Variants in PCDHGB5 observed in about 807,000 individuals in gnomAD.
PCDHGB5 encodes the protein protocadherin gamma-B5.
Under a neutral mutation model 62.9 loss-of-function variants are expected in PCDHGB5, and 48 were observed. The observed-to-expected ratio is 0.76, with a 90% CI of 0.61 to 0.97. The LOEUF is 0.97. PCDHGB5 is among the 50% of genes least tolerant of loss of function. The pLI is 0.00. For synonymous variants in PCDHGB5, 474 were observed against 511.2 expected (o/e 0.93, Z 0.98); for missense variants, 1,118 against 1,198.6 (o/e 0.93, Z 0.99).
rs1305419943 is a variant in PCDHGB5, at chr5:141,438,625, T to C, written c.2397+38101T>C. Among the ~76,000 whole-genome samples the C allele has an allele frequency of 9.7e-4, 45 of 46,410 alleles. 2 individuals are homozygous for C. Among genetic ancestry groups the C allele is most frequent in the Admixed American group, 2.2e-3 (7 of 3,192 alleles). The allele number at this position is 46,410 out of a possible 152,430, so 30.4% of individuals were successfully genotyped here. On this transcript the variant is annotated intron_variant, in intron 1 of 3. Coordinates refer to ENST00000617380, the MANE Select transcript of PCDHGB5 (RefSeq NM_018925.3). The stretch of plus-strand genomic sequence containing the variant: ...ATATATATATATATATATATATATA[T>C]ATATATATATACACACACACACACA...
At chr5:141,437,096 C>T (rs989863634) in intron 1 of PCDHGB5, among the ~76,000 whole-genome samples, 6 of 152,122 alleles carry the variant, frequency 3.9e-5, no homozygotes, top group Non-Finnish European at 8.8e-5. Context: ...AAACTAACGG[C>T]TTAGCTTTAG....
chr5:141,399,230 A>G lies in PCDHGB5; in HGVS notation c.1103A>G (p.His368Arg), dbSNP rs764321114. 1.2e-6 allele frequency: 2 copies of G among 1,614,002 alleles called. No individual in the cohort carries two copies. The highest frequency in any genetic ancestry group is 1.7e-6 in the Non-Finnish European group (2 of 1,179,882). Residue 368 changes from histidine to arginine, a missense_variant, in exon 1 of 4, where the codon CAT becomes CGT. Physicochemically the swap from His to Arg is conservative, Grantham distance 29. Transcript: ENST00000617380. ...PGTLIALIKI[H>R]DQDSGENGEV... The stretch of plus-strand genomic sequence containing the variant: ...ACACTAATTGCTTTGATCAAAATAC[A>G]TGACCAAGATTCTGGGGAAAATGGG...
Position 141,485,057 on chromosome 5 carries a change from C to T in PCDHGB5, c.2398-9750C>T. 1 of 843,720 alleles carries T rather than the reference C, an allele frequency of 1.2e-6. No individual in the cohort carries two copies. The highest frequency in any genetic ancestry group is 1.9e-6 in the Non-Finnish European group (1 of 524,586). 52.3% of individuals were successfully genotyped at this position (843,720 alleles called of 1,614,324 possible). On this transcript the variant is annotated intron_variant, in intron 1 of 3. Transcript: ENST00000617380. This position sits in a 1 kb window ranked among gnomAD's most constrained non-coding sequence, Gnocchi z 5.7. The stretch of plus-strand genomic sequence containing the variant: ...GTAACCCTTGCGGCGCCGGCCGAAC[C>T]GCGCCAGAGCTGGCGCGGGGAAAGG...
chr5:141,508,777 AG>A (rs1428861784), intron 3 of PCDHGB5, among the ~76,000 whole-genome samples: 3 of 150,778 alleles, frequency 2.0e-5, no homozygotes, highest in Non-Finnish European at 4.4e-5. Context: ...TCCCCCCTCT[AG>A]CCCCTAAATC....
intron 1 of PCDHGB5, chr5:141,427,830 C>T (rs749612858): frequency 7.8e-6 from 12 of 1,538,204 alleles, no homozygotes; most frequent in African/African-American, 1.4e-5. Flanking sequence ...GGTCGCGCAG[C>T]GTGCCTTCGA....
In PCDHGB5 at chr5:141,493,211, G is replaced by C. The variant is rs1312763933; in HGVS notation, c.2398-1596G>C. Reference sequence around the variant, plus strand: ...CTCCTTTGAGAACCTCATCTCATTTGCTCTTCCCACCATTGCTGTTGGCTA... The same window carrying C: ...CTCCTTTGAGAACCTCATCTCATTTCCTCTTCCCACCATTGCTGTTGGCTA... On this transcript the variant is annotated intron_variant, in intron 1 of 3. Transcript: ENST00000617380. The surrounding 1 kb of genome is among the most constrained non-coding windows in gnomAD (Gnocchi z 4.3). 6.6e-6 allele frequency among the ~76,000 whole-genome samples: 1 copy of C among 152,180 alleles called. No individual in the cohort carries two copies. The highest frequency in any genetic ancestry group is 2.4e-5 in the African/African-American group (1 of 41,436).
chr5:141,469,834 T>C (rs1228732202), intron 1 of PCDHGB5, among the ~76,000 whole-genome samples: 4 of 152,068 alleles, frequency 2.6e-5, no homozygotes, highest in African/African-American at 9.7e-5. Context: ...ACATAAAACT[T>C]ATTCTTAAGA....
intron 1 of PCDHGB5, among the ~76,000 whole-genome samples, chr5:141,458,876 G>T (rs187470646): frequency 5.0e-4 from 76 of 152,248 alleles, no homozygotes; most frequent in African/African-American, 1.7e-3. Context: ...GGGACTACAG[G>T]CATGCACACC....
chr5:141,439,131 T>A (rs2098090046), intron 1 of PCDHGB5, among the ~76,000 whole-genome samples: 1 of 150,502 alleles, frequency 6.6e-6, no homozygotes, highest in Non-Finnish European at 1.5e-5. Flanking sequence ...AGACAGAGGT[T>A]GCAGTGAGCT....
At chr5:141,478,174 GA>G (rs1156842877) in intron 1 of PCDHGB5, 1 of 1,613,574 alleles carries the variant, frequency 6.2e-7, no homozygotes, top group East Asian at 2.2e-5. Context: ...CCCGGGAGCA[GA>G]AAAAAAATCT....
At chr5:141,401,532 A>G (rs1461153273) in intron 1 of PCDHGB5, among the ~76,000 whole-genome samples, 2 of 152,260 alleles carry the variant, frequency 1.3e-5, no homozygotes, top group Non-Finnish European at 2.9e-5. Context: ...GAAGAAACTT[A>G]CAAAAAAAAG....
At chr5:141,472,805 G>C (rs2099297767) in intron 1 of PCDHGB5, among the ~76,000 whole-genome samples, 1 of 151,688 alleles carries the variant, frequency 6.6e-6, no homozygotes, top group African/African-American at 2.4e-5. Context: ...GACCAACATG[G>C]AGAAACCCCC....
At chr5:141,481,607 C>A (rs2099540195) in intron 1 of PCDHGB5, among the ~76,000 whole-genome samples, 1 of 152,158 alleles carries the variant, frequency 6.6e-6, no homozygotes, top group Admixed American at 6.5e-5. Flanking sequence ...CACCTGAGGC[C>A]AGGAGTTCAA....
At chr5:141,506,700 G>A (rs780282969) in intron 3 of PCDHGB5, among the ~76,000 whole-genome samples, 3 of 152,138 alleles carry the variant, frequency 2.0e-5, no homozygotes, top group Non-Finnish European at 2.9e-5. Flanking sequence ...ACCCAAACCC[G>A]TTTTTTACTG....
chr5:141,420,415 TAAAAC>T, intron 1 of PCDHGB5: 1 of 1,217,298 alleles, frequency 8.2e-7, no homozygotes, highest in Non-Finnish European at 1.1e-6. Flanking sequence ...TTATCATTAT[TAAAAC>T]AAAAGTTTAA....
chr5:141,403,614 G>C (rs772617526), intron 1 of PCDHGB5: 1 of 1,613,860 alleles, frequency 6.2e-7, no homozygotes, highest in Admixed American at 1.7e-5. Context: ...GGCGAGCCGC[G>C]TCGCTCCAGC....
intron 1 of PCDHGB5, chr5:141,418,103 G>A: frequency 1.2e-6 from 2 of 1,614,076 alleles, no homozygotes; most frequent in African/African-American, 1.3e-5. Flanking sequence ...CGCGCAGAGC[G>A]GGGACTTACT....
At chr5:141,412,424 C>G (rs1383441983) in intron 1 of PCDHGB5, 1 of 152,136 alleles carries the variant, frequency 6.6e-6, no homozygotes, top group Non-Finnish European at 1.5e-5. Flanking sequence ...ATGTTTTACA[C>G]AAAAAGGTTA....
intron 1 of PCDHGB5, chr5:141,408,907 C>T: frequency 6.2e-7 from 1 of 1,613,244 alleles, no homozygotes; most frequent in East Asian, 2.2e-5. Context: ...TCAAGGATAC[C>T]AATGATAACC....
Sources: gnomAD v4.1 joint callset for allele counts (sites outside exome capture counted in the v4.1 genomes callset) on GRCh38, gnomAD v4.1.1 for gene constraint, Gnocchi (gnomAD v3.1) non-coding constraint, MANE v1.5 for transcripts, NCBI Gene and HGNC (gene_info 2026-07-23, HGNC 2026-07-21) for gene names.